Variants in MLLT10 observed in about 807,000 individuals in gnomAD.
MLLT10 encodes the protein MLLT10 histone lysine methyltransferase DOT1L cofactor.
MLLT10 carries 30 observed loss-of-function variants against 129.1 expected under a neutral mutation model. The ratio of observed to expected loss-of-function variants is 0.23; its 90% CI spans 0.17 to 0.32. The LOEUF is 0.32. Among genes scored for constraint, MLLT10 ranks in the 10% least tolerant of loss-of-function variants. The pLI, the probability that MLLT10 is intolerant of heterozygous loss-of-function variation, is 1.00. For synonymous variants in MLLT10, 490 were observed against 446.4 expected (o/e 1.10, Z -1.23); for missense variants, 1,119 against 1,268.3 (o/e 0.88, Z 1.79).
chr10:21,612,691 C>T (rs971352990), intron 6 of MLLT10, among the ~76,000 whole-genome samples: 11 of 152,080 alleles, frequency 7.2e-5, no homozygotes, highest in Non-Finnish European at 1.3e-4. Flanking sequence ...GCTTCAGTTT[C>T]GTCTTGTTTA....
At chr10:21,560,591 A>G (rs1357683229) in intron 3 of MLLT10, among the ~76,000 whole-genome samples, 1 of 151,546 alleles carries the variant, frequency 6.6e-6, no homozygotes, top group Admixed American at 6.6e-5. Flanking sequence ...ACGTACTACC[A>G]CCACCACCAC....
chr10:21,606,905 ACAG>A (rs1195122717), intron 5 of MLLT10, among the ~76,000 whole-genome samples: 2 of 152,234 alleles, frequency 1.3e-5, no homozygotes, highest in African/African-American at 4.8e-5. Context: ...ATGCTGTCAA[ACAG>A]CAGCACATAC....
chr10:21,694,932 C>T (rs2054206648), intron 13 of MLLT10, among the ~76,000 whole-genome samples: 1 of 152,158 alleles, frequency 6.6e-6, no homozygotes, highest in Non-Finnish European at 1.5e-5. Flanking sequence ...AGACCTTGCA[C>T]ATGCCCCTGC....
chr10:21,718,452 G>T (rs372783374), intron 14 of MLLT10, among the ~76,000 whole-genome samples: 1 of 152,136 alleles, frequency 6.6e-6, no homozygotes, highest in Non-Finnish European at 1.5e-5. Context: ...TTGGGAGAAT[G>T]CAGGTGCTTT....
chr10:21,661,126 G>C (rs1172673588), intron 9 of MLLT10, among the ~76,000 whole-genome samples: 1 of 152,004 alleles, frequency 6.6e-6, no homozygotes, highest in Non-Finnish European at 1.5e-5. Flanking sequence ...ATTGATTTCT[G>C]GTTTAATTTC....
chr10:21,651,504 A>G (rs1382395307), intron 8 of MLLT10, among the ~76,000 whole-genome samples, 169 bp from the exon 9 acceptor site: 1 of 152,272 alleles, frequency 6.6e-6, no homozygotes, highest in Non-Finnish European at 1.5e-5. Flanking sequence ...ACCTAAAAAG[A>G]AACTCACACT....
intron 3 of MLLT10, among the ~76,000 whole-genome samples, chr10:21,540,411 T>C (rs1384757779): frequency 3.3e-5 from 5 of 149,654 alleles, no homozygotes; most frequent in Non-Finnish European, 7.4e-5. Context: ...AAAAAATTAG[T>C]TGGGCGTGGT....
chr10:21,602,732 T>C (rs2131158356), intron 5 of MLLT10, among the ~76,000 whole-genome samples: 1 of 151,996 alleles, frequency 6.6e-6, no homozygotes, highest in East Asian at 1.9e-4. Flanking sequence ...TTATCTAAAC[T>C]CTTTTTTTTT....
rs115090764 is a variant in MLLT10, at chr10:21,597,812, A to G, written c.405+2372A>G. Among the ~76,000 whole-genome samples the G allele has an allele frequency of 9.2e-3, 1,399 of 152,338 alleles. 15 individuals are homozygous for G. The highest frequency in any genetic ancestry group is 0.031 in the African/African-American group (1,309 of 41,574). ...TTGCCTGATGTTTCATCATGATTAAATACAGTTATGTTTTTAGCAGGAGTA... is the reference window on the plus strand; with the variant it reads ...TTGCCTGATGTTTCATCATGATTAAGTACAGTTATGTTTTTAGCAGGAGTA... On this transcript the variant is annotated intron_variant, in intron 5 of 22. Coordinates refer to ENST00000307729, the MANE Select transcript of MLLT10 (RefSeq NM_001195626.3).
chr10:21,558,951 GTTGTT>G (rs998640776), intron 3 of MLLT10, among the ~76,000 whole-genome samples: 2 of 151,858 alleles, frequency 1.3e-5, no homozygotes, highest in African/African-American at 4.8e-5. Context: ...CTTTTTTGTT[GTTGTT>G]TTAAGTATCT....
rs187216129 is a variant in MLLT10, at chr10:21,694,458, T to A, written c.1699+12201T>A. 9.8e-5 allele frequency among the ~76,000 whole-genome samples: 15 copies of A among 152,340 alleles called. No homozygotes were observed. The East Asian group carries it at 2.9e-3, about 29-fold the overall frequency. ...AAAGGTTTTCTTTCCCCCTTTACAA[T>A]TAGTAATTATTTTGTGGAATAAATT... On this transcript the variant is annotated intron_variant, in intron 13 of 22. Transcript: ENST00000307729.
chr10:21,561,182 T>C (rs1254877614), intron 3 of MLLT10, among the ~76,000 whole-genome samples: 4 of 152,174 alleles, frequency 2.6e-5, no homozygotes, highest in African/African-American at 9.6e-5. Context: ...TCAAATTTAG[T>C]GCAGTGAAGA....
Position 21,708,829 on chromosome 10 carries a change from A to C in MLLT10, c.1700-4943A>C, listed in dbSNP as rs370421173. The C allele has an allele frequency of 1.2e-5, 9 of 753,762 alleles. No individual in the cohort carries two copies. In the South Asian group the frequency reaches 4.8e-4, roughly 40 times the overall value. The allele number at this position is 753,762 out of a possible 1,614,324, so 46.7% of individuals were successfully genotyped here. On this transcript the variant is annotated intron_variant, in intron 13 of 22. Coordinates refer to ENST00000307729, the MANE Select transcript of MLLT10 (RefSeq NM_001195626.3). ...AGACATTAGAGGACCTGGTAGTTAC[A>C]ACAGTGTACTTTCCTGACTTACAGA...
intron 9 of MLLT10, among the ~76,000 whole-genome samples, chr10:21,666,426 G>C (rs1415299340): frequency 1.3e-5 from 2 of 152,088 alleles, no homozygotes; most frequent in Non-Finnish European, 2.9e-5. Flanking sequence ...AACACTTTGG[G>C]AGGCCGAAGC....
intron 21 of MLLT10, among the ~76,000 whole-genome samples, chr10:21,739,477 G>T (rs1445953785): frequency 6.6e-6 from 1 of 152,172 alleles, no homozygotes; most frequent in Non-Finnish European, 1.5e-5. Flanking sequence ...ATACACAGTT[G>T]TGTTTCCCTT....
rs761031690 is a variant in MLLT10 at position 21,727,955 on chromosome 10, T to C, written c.2063+27T>C. ...TAAGCGCTATTTACACTGCAAAGTA[T>C]AGGCAAAGGAAACGTTTGAGATTTG... On this transcript the variant is annotated intron_variant, in intron 16 of 22. Coordinates refer to ENST00000307729, the MANE Select transcript of MLLT10 (RefSeq NM_001195626.3). 75 of 1,601,618 alleles carry C rather than the reference T, an allele frequency of 4.7e-5. 1 individual carries two copies. The South Asian group carries it at 6.6e-4, about 14-fold the overall frequency.
chr10:21,721,037 T>C (rs1293414451), intron 14 of MLLT10, among the ~76,000 whole-genome samples: 3 of 152,198 alleles, frequency 2.0e-5, no homozygotes, highest in Non-Finnish European at 4.4e-5. Flanking sequence ...TGAAAGTATA[T>C]ACGAATTAGG....
chr10:21,538,944 TAGTG>T (rs1564365077), intron 3 of MLLT10, 32 bp downstream of exon 3: 1 of 1,518,572 alleles, frequency 6.6e-7, no homozygotes, highest in Non-Finnish European at 9.1e-7. Flanking sequence ...CATTAAACTT[TAGTG>T]AGTAGGTTAG....
intron 9 of MLLT10, among the ~76,000 whole-genome samples, chr10:21,653,539 A>G (rs2049262404): frequency 6.6e-6 from 1 of 152,262 alleles, no homozygotes; most frequent in East Asian, 1.9e-4. Flanking sequence ...TCTCTCTTTA[A>G]GCTCATGTGA....
Sources: allele counts gnomAD v4.1 joint callset (sites outside exome capture counted in the v4.1 genomes callset), GRCh38; gene constraint gnomAD v4.1.1; transcripts MANE v1.5; gene names NCBI Gene and HGNC (gene_info 2026-07-23, HGNC 2026-07-21).